The following SLC4A5 variants were observed in gnomAD, a reference collection of about 807,000 sequenced individuals.
The protein encoded by SLC4A5 is electrogenic sodium bicarbonate cotransporter 4.
SLC4A5 carries 96 observed loss-of-function variants against 120.4 expected under a neutral mutation model. The observed-to-expected ratio is 0.80, with a 90% CI of 0.68 to 0.94. The LOEUF is 0.94. Among genes scored for constraint, SLC4A5 ranks in the 40% least tolerant of loss-of-function variants. SLC4A5 has a pLI of 0.00. For missense variants in SLC4A5, 1,259 were observed against 1,459.5 expected, an observed-to-expected ratio of 0.86 and a Z score of 2.24; for synonymous variants, 550 against 571.1, an observed-to-expected ratio of 0.96 and a Z score of 0.53.
chr2:74,264,489 CGT>C lies in SLC4A5; in HGVS notation c.563-192_563-191del, dbSNP rs59538523. 5.5e-3 allele frequency among the ~76,000 whole-genome samples: 794 copies of C among 143,342 alleles called. 1 individual carries two copies. Among genetic ancestry groups the C allele is most frequent in the Non-Finnish European group, 6.8e-3 (446 of 65,546 alleles). The allele number at this position is 143,342 out of a possible 152,430, so 94.0% of individuals were successfully genotyped here. A position where few individuals can be genotyped will look rare whatever the true frequency, so the allele number is the denominator to read the frequency against. Reference sequence around the variant, plus strand: ...CTTGGCCTCCTCCTGTTCAAGGGCACGTGTGTGTGTGTGTGTGTGTGTGTGTG... The same window carrying C: ...CTTGGCCTCCTCCTGTTCAAGGGCACGTGTGTGTGTGTGTGTGTGTGTGTG... On this transcript the variant is annotated intron_variant, in intron 9 of 30. Coordinates refer to ENST00000394019, the Ensembl canonical transcript of SLC4A5.
At chr2:74,227,982 T>G (rs1694910969) in intron 25 of SLC4A5, 104 bp from the exon 26 acceptor site, 1 of 782,454 alleles carries the variant, frequency 1.3e-6, no homozygotes, top group African/African-American at 1.8e-5. Flanking sequence ...GCTAGGAAAC[T>G]GGATATTTGG....
chr2:74,223,158 C>T (rs1319696345), intron 28 of SLC4A5, among the ~76,000 whole-genome samples: 1 of 152,038 alleles, frequency 6.6e-6, no homozygotes, highest in Non-Finnish European at 1.5e-5. Flanking sequence ...GCGTGCACCC[C>T]CATACCTGGC....
At position 74,219,452 on chromosome 2, in the gene SLC4A5, T is replaced by C. The variant is rs148848364; in HGVS notation, c.*34-660A>G. 8.5e-5 allele frequency among the ~76,000 whole-genome samples: 13 copies of C among 152,316 alleles called. No homozygotes were observed. In the East Asian group the frequency reaches 1.5e-3, roughly 18 times the overall value. On this transcript the variant is annotated intron_variant, in intron 30 of 30. Coordinates refer to ENST00000394019, the Ensembl canonical transcript of SLC4A5. ...ATTAAGCATCGCACCTGGTAGATCA[T>C]TGATGCTTAGTCTTTGTTAAACCAG...
At chr2:74,298,272 T>C (rs1168463737) in intron 7 of SLC4A5, among the ~76,000 whole-genome samples, 2 of 152,120 alleles carry the variant, frequency 1.3e-5, no homozygotes, top group Non-Finnish European at 2.9e-5. Context: ...CATGCACACA[T>C]ACATGGTCAA....
At chr2:74,231,215 G>C in intron 25 of SLC4A5, 21 bp downstream of exon 25, 1 of 1,600,062 alleles carries the variant, frequency 6.2e-7, no homozygotes, top group East Asian at 2.2e-5. Flanking sequence ...CGAGGCCCTA[G>C]GTGACAGTGC....
rs1670233419 is a variant in SLC4A5, at chr2:74,235,245, G to A, written c.2320-31C>T. 6 of 1,575,032 alleles carry A rather than the reference G, an allele frequency of 3.8e-6. No individual in the cohort carries two copies. In the Admixed American group the frequency reaches 5.1e-5, roughly 13 times the overall value. On this transcript the variant is annotated intron_variant, in intron 21 of 30. Coordinates refer to ENST00000394019, the Ensembl canonical transcript of SLC4A5. ...GACAGGAGATGAGCAAGTAAAAGAA[G>A]TGAGTAAAGCACCCACCCAGCTCCA...
intron 2 of SLC4A5, among the ~76,000 whole-genome samples, chr2:74,342,146 G>A (rs1159180396): frequency 6.6e-6 from 1 of 152,238 alleles, no homozygotes; most frequent in Non-Finnish European, 1.5e-5. Context: ...GGAAACCCAA[G>A]ACCAGTTGAT....
chr2:74,292,184 C>T (rs1026494197), intron 7 of SLC4A5, among the ~76,000 whole-genome samples: 1 of 152,144 alleles, frequency 6.6e-6, no homozygotes, highest in African/African-American at 2.4e-5. Flanking sequence ...GCACAGCACT[C>T]GTGTACACCA....
At chr2:74,259,547 C>T in intron 12 of SLC4A5, 41 bp downstream of exon 12, 2 of 1,607,978 alleles carry the variant, frequency 1.2e-6, no homozygotes, top group Non-Finnish European at 1.7e-6. Context: ...CTTTTTCCTG[C>T]CCTGGCCCTC....
At position 74,255,961 on chromosome 2, in the gene SLC4A5, A is replaced by C. The variant is rs764171538; in HGVS notation, c.868-29T>G. 3.8e-5 allele frequency: 61 copies of C among 1,609,106 alleles called. No homozygotes were observed. The highest frequency in any genetic ancestry group is 5.2e-5 in the Non-Finnish European group (61 of 1,176,052). On this transcript the variant is annotated intron_variant, in intron 12 of 30. Transcript: ENST00000394019. This position sits in a 1 kb window ranked among gnomAD's most constrained non-coding sequence, Gnocchi z 4.0. ...GACAGGGAGGGGAAACGAGATAGCC[A>C]AGGAGACTCCCACCTGCTCTCACTC... is the stretch of plus-strand genomic sequence containing the variant.
At chr2:74,247,659 C>T (rs7558160) in intron 18 of SLC4A5, among the ~76,000 whole-genome samples, 2 of 151,944 alleles carry the variant, frequency 1.3e-5, no homozygotes, top group East Asian at 1.9e-4. Context: ...GGATTACAGG[C>T]ACCCGCCGCC....
chr2:74,227,900 G>A lies in SLC4A5; in HGVS notation c.2848-22C>T. 2.5e-6 allele frequency: 4 copies of A among 1,579,548 alleles called. No individual in the cohort carries two copies. The South Asian group carries it at 4.7e-5, about 18-fold the overall frequency. On this transcript the variant is annotated intron_variant, in intron 25 of 30. Transcript: ENST00000394019. Reference sequence around the variant, plus strand: ...TACACTAAAATGAGAGCAGAGCTTTGGATCGGCCTCTGCCTGGGGCGGCCC... The same window carrying A: ...TACACTAAAATGAGAGCAGAGCTTTAGATCGGCCTCTGCCTGGGGCGGCCC...
intron 3 of SLC4A5, among the ~76,000 whole-genome samples, chr2:74,336,015 C>T (rs991491581): frequency 1.3e-5 from 2 of 152,180 alleles, no homozygotes; most frequent in Admixed American, 6.5e-5. Context: ...GACAGCTTTA[C>T]ATACCTTACC....
intron 12 of SLC4A5, among the ~76,000 whole-genome samples, chr2:74,258,469 G>A (rs1671037012): frequency 6.6e-6 from 1 of 152,234 alleles, no homozygotes. Context: ...ACTAGGTAAT[G>A]CTTTCTTATC....
chr2:74,236,153 T>C (rs1277051221), intron 21 of SLC4A5, among the ~76,000 whole-genome samples: 1 of 152,232 alleles, frequency 6.6e-6, no homozygotes, highest in Non-Finnish European at 1.5e-5. Context: ...CTATCCACTA[T>C]GTCTGCTTGA....
At chr2:74,247,370 C>T in intron 18 of SLC4A5, 63 bp from the exon 19 acceptor site, 1 of 1,536,370 alleles carries the variant, frequency 6.5e-7, no homozygotes, top group East Asian at 2.3e-5. Context: ...CTTGACTCCT[C>T]AGACTCATCC....
chr2:74,245,103 G>A (rs1448341332), intron 19 of SLC4A5, among the ~76,000 whole-genome samples: 1 of 152,110 alleles, frequency 6.6e-6, no homozygotes, highest in Non-Finnish European at 1.5e-5. Flanking sequence ...GGCAGATCAC[G>A]AGGTCAAGAG....
intron 7 of SLC4A5, among the ~76,000 whole-genome samples, chr2:74,302,728 T>A (rs1284515855): frequency 1.3e-5 from 2 of 152,226 alleles, no homozygotes; most frequent in Non-Finnish European, 2.9e-5. Context: ...AAATCCACCA[T>A]CTATAACTAC....
At position 74,254,606 on chromosome 2, in the gene SLC4A5, G is replaced by A. The variant is rs1670900756; in HGVS notation, c.1113+13C>T. 1.9e-6 allele frequency: 3 copies of A among 1,609,680 alleles called. No individual in the cohort carries two copies. In the South Asian group the frequency reaches 3.3e-5, roughly 18 times the overall value. ...GTAAAATTCAGGAGTACAAGCTTCT[G>A]GTTACCACTTACATCATCTACCATG... On this transcript the variant is annotated intron_variant, in intron 14 of 30. Coordinates refer to ENST00000394019, the Ensembl canonical transcript of SLC4A5.
Sources: allele counts gnomAD v4.1 joint callset (sites outside exome capture counted in the v4.1 genomes callset), GRCh38; gene constraint gnomAD v4.1.1; non-coding constraint Gnocchi (gnomAD v3.1); transcripts MANE v1.5; gene names NCBI Gene and HGNC (gene_info 2026-07-23, HGNC 2026-07-21).